Variants in GSN observed in about 807,000 individuals in gnomAD.
The protein encoded by GSN is gelsolin.
In GSN, 56 loss-of-function variants were observed where a neutral mutation model predicts 85.7. The ratio of observed to expected loss-of-function variants is 0.65; its 90% CI spans 0.53 to 0.82. The LOEUF is 0.82. GSN is among the 40% of genes least tolerant of loss of function. The probability of loss-of-function intolerance (pLI) is 0.00; values close to 1 mark genes in which losing one functional copy is unlikely to be tolerated. For missense variants in GSN, 857 were observed against 979.8 expected (o/e 0.87, Z 1.67); for synonymous variants, 373 against 399.1 (o/e 0.93, Z 0.78).
At chr9:121,225,735 A>G (rs181637900) in intron 4 of GSN, among the ~76,000 whole-genome samples, 2 of 152,294 alleles carry the variant, frequency 1.3e-5, no homozygotes, top group East Asian at 3.9e-4. Flanking sequence ...TGAGACCTGC[A>G]TCTCCGAATG....
chr9:121,271,367 A>C (rs1484875862), intron 1 of GSN, among the ~76,000 whole-genome samples: 1 of 152,194 alleles, frequency 6.6e-6, no homozygotes, highest in Non-Finnish European at 1.5e-5. Context: ...AAAAAAAGAA[A>C]AGACAAAAAA....
intron 4 of GSN, among the ~76,000 whole-genome samples, chr9:121,223,962 G>T (rs1026863674): frequency 6.6e-6 from 1 of 151,354 alleles, no homozygotes; most frequent in Non-Finnish European, 1.5e-5. Flanking sequence ...CCCAGCCTGA[G>T]ATTTTTTTGT....
intron 2 of GSN, among the ~76,000 whole-genome samples, chr9:121,301,045 C>T (rs1309426291): frequency 6.6e-6 from 1 of 152,232 alleles, no homozygotes; most frequent in African/African-American, 2.4e-5. Context: ...TCGGTCAGTC[C>T]CCTCCCCTCT....
chr9:121,209,279 A>G (rs993798223), intron 1 of GSN: 2 of 152,214 alleles, frequency 1.3e-5, no homozygotes, highest in Non-Finnish European at 1.5e-5. Flanking sequence ...CAAATGTACA[A>G]TCCTTCATCC....
At chr9:121,246,158 G>A (rs1044385458) in intron 5 of GSN, among the ~76,000 whole-genome samples, 1 of 152,216 alleles carries the variant, frequency 6.6e-6, no homozygotes, top group African/African-American at 2.4e-5. Context: ...GATGATTCAG[G>A]ATGAGTATTT....
Position 121,302,929 on chromosome 9 carries a change from A to T in GSN, c.215A>T (p.Asp72Val). 12 of 1,613,850 alleles carry T rather than the reference A, an allele frequency of 7.4e-6. No individual in the cohort carries two copies. Among genetic ancestry groups the T allele is most frequent in the Non-Finnish European group, 1.0e-5 (12 of 1,180,012 alleles). The change falls in exon 4 of 18, where the codon GAT (aspartate) becomes GTT (valine). Residue 72 changes from aspartate to valine, a missense_variant. Physicochemically the swap from Asp to Val is radical, Grantham distance 152. Coordinates refer to ENST00000432226, the MANE Select transcript of GSN (RefSeq NM_198252.3). ...HYWLGNECSQ[D>V]ESGAAAIFTV... ...CCCGTAGGCAATGAGTGCAGCCAGG[A>T]TGAGAGCGGGGCGGCCGCCATCTTT...
chr9:121,315,303 G>A (rs1283824833), intron 7 of GSN, among the ~76,000 whole-genome samples: 1 of 152,134 alleles, frequency 6.6e-6, no homozygotes, highest in Non-Finnish European at 1.5e-5. Context: ...TTTTATGAAT[G>A]TAAGAATTTA....
intron 5 of GSN, chr9:121,239,426 T>C: frequency 2.4e-6 from 1 of 411,930 alleles, no homozygotes; most frequent in Non-Finnish European, 4.7e-6. Context: ...GTTTCCATGT[T>C]TACATCCTTA....
intron 6 of GSN, among the ~76,000 whole-genome samples, chr9:121,254,626 C>T (rs2054911650): frequency 6.6e-6 from 1 of 152,194 alleles, no homozygotes; most frequent in African/African-American, 2.4e-5. Flanking sequence ...ATTTTTCTCT[C>T]CTCTGAAAGA....
intron 5 of GSN, chr9:121,238,678 T>G (rs2054544191): frequency 2.8e-6 from 1 of 360,818 alleles, no homozygotes; most frequent in Non-Finnish European, 5.4e-6. Flanking sequence ...CAGGTGCTCT[T>G]CAGCATATCT....
intron 6 of GSN, 97 bp from the exon 7 acceptor site, chr9:121,313,837 G>A: frequency 2.1e-6 from 2 of 938,472 alleles, no homozygotes; most frequent in Non-Finnish European, 3.5e-6. Flanking sequence ...GGGTCACAGT[G>A]GATGTCCTTG....
At chr9:121,252,957 A>G (rs762383196) in intron 6 of GSN, among the ~76,000 whole-genome samples, 5 of 152,184 alleles carry the variant, frequency 3.3e-5, no homozygotes, top group African/African-American at 7.2e-5. Flanking sequence ...AACAAAAGAC[A>G]TTTATTTCTC....
At chr9:121,304,837 G>GTAGAT (rs2060238181) in intron 4 of GSN, among the ~76,000 whole-genome samples, 1 of 152,186 alleles carries the variant, frequency 6.6e-6, no homozygotes, top group African/African-American at 2.4e-5. Context: ...TGTGATGGGT[G>GTAGAT]CTGGGGTGCC....
intron 1 of GSN, chr9:121,281,109 TAGA>T (rs1301855714): frequency 6.2e-6 from 1 of 160,970 alleles, no homozygotes; most frequent in Non-Finnish European, 1.4e-5. Flanking sequence ...GCACAATTTG[TAGA>T]AGACTTGAGG....
chr9:121,269,450 G>C (rs992851279), intron 1 of GSN, among the ~76,000 whole-genome samples: 4 of 152,182 alleles, frequency 2.6e-5, no homozygotes, highest in Non-Finnish European at 5.9e-5. Context: ...TCCTTGCTGG[G>C]AGGGACTCTA....
chr9:121,315,538 C>T (rs745418103), intron 7 of GSN, among the ~76,000 whole-genome samples: 18 of 151,998 alleles, frequency 1.2e-4, no homozygotes, highest in Non-Finnish European at 2.6e-4. Context: ...CCGAGGTAGG[C>T]GGATCACCTG....
rs2062043036 is a variant in GSN, at chr9:121,318,925, C to T, written c.1191+45C>T. On this transcript the variant is annotated intron_variant, in intron 10 of 17. Coordinates refer to ENST00000432226, the MANE Select transcript of GSN (RefSeq NM_198252.3). The surrounding 1 kb of genome is among the most constrained non-coding windows in gnomAD (Gnocchi z 4.3). Reference sequence around the variant, plus strand: ...TGGGTGTGTCCAGGCCCCTCCCTCACTTTCCCCATGCACTGCCTCTTGCTT... The same window carrying T: ...TGGGTGTGTCCAGGCCCCTCCCTCATTTTCCCCATGCACTGCCTCTTGCTT... The T allele has an allele frequency of 6.9e-7, 1 of 1,446,484 alleles. No individual in the cohort carries two copies. Among genetic ancestry groups the T allele is most frequent in the African/African-American group, 1.4e-5 (1 of 71,726 alleles). The allele number at this position is 1,446,484 out of a possible 1,614,324, so 89.6% of individuals were successfully genotyped here. A position where few individuals can be genotyped will look rare whatever the true frequency, so the allele number is the denominator to read the frequency against.
chr9:121,225,045 C>T (rs917112275), intron 4 of GSN, among the ~76,000 whole-genome samples: 1 of 151,874 alleles, frequency 6.6e-6, no homozygotes, highest in Non-Finnish European at 1.5e-5. Flanking sequence ...TCTCGAACTC[C>T]TGGGTTCAAG....
At chr9:121,311,567 T>C (rs306763) in intron 5 of GSN, 126,002 of 152,716 alleles carry the variant, frequency 0.83, 52,202 homozygotes, top group East Asian at 0.99. Context: ...CACTGGATCA[T>C]GAAGCAGAAC....
Sources: allele counts gnomAD v4.1 joint callset (sites outside exome capture counted in the v4.1 genomes callset), GRCh38; gene constraint gnomAD v4.1.1; non-coding constraint Gnocchi (gnomAD v3.1); transcripts MANE v1.5; gene names NCBI Gene and HGNC (gene_info 2026-07-23, HGNC 2026-07-21).